EBF4: variants seen among roughly 807,000 people sequenced by gnomAD.
EBF4 encodes the protein transcription factor COE4.
In EBF4, 34 loss-of-function variants were observed where a neutral mutation model predicts 67.1. That is an observed-to-expected ratio of 0.51 (90% CI 0.39 to 0.67). The LOEUF (loss-of-function observed/expected upper bound fraction) is 0.67. EBF4 is among the 30% of genes least tolerant of loss of function. The pLI, the probability that EBF4 is intolerant of heterozygous loss-of-function variation, is 0.00. For synonymous variants in EBF4, 387 were observed against 377.7 expected, an observed-to-expected ratio of 1.02 and a Z score of -0.29; for missense variants, 837 against 873.3, an observed-to-expected ratio of 0.96 and a Z score of 0.52.
intron 6 of EBF4, among the ~76,000 whole-genome samples, chr20:2,724,910 GAAAAAGAAA>G (rs2087728588): frequency 6.6e-6 from 1 of 152,034 alleles, no homozygotes; most frequent in African/African-American, 2.4e-5. Flanking sequence ...TCTCAAAAAA[GAAAAAGAAA>G]AGTTCAGCAT....
intron 5 of EBF4, among the ~76,000 whole-genome samples, chr20:2,709,073 C>T (rs2087501260): frequency 1.3e-5 from 2 of 152,118 alleles, no homozygotes; most frequent in African/African-American, 2.4e-5. Flanking sequence ...GTAATCCCAG[C>T]TATGTTAGGA....
At chr20:2,715,143 G>A (rs916315348) in intron 6 of EBF4, among the ~76,000 whole-genome samples, 2 of 151,904 alleles carry the variant, frequency 1.3e-5, no homozygotes, top group African/African-American at 2.4e-5. Context: ...CTCTCCTACA[G>A]GTAAACCAAG....
At chr20:2,721,246 C>CTTTTTT (rs146844927) in intron 6 of EBF4, among the ~76,000 whole-genome samples, 14 of 108,018 alleles carry the variant, frequency 1.3e-4, no homozygotes, top group African/African-American at 2.4e-4. Context: ...TGATTCTCTT[C>CTTTTTT]TTTTTTTTTT....
chr20:2,714,500 C>T (rs775503508), intron 6 of EBF4, among the ~76,000 whole-genome samples: 4 of 152,092 alleles, frequency 2.6e-5, no homozygotes, highest in African/African-American at 4.8e-5. Context: ...CACAGGCTCA[C>T]GCCAACAAGC....
chr20:2,736,880 C>T (rs6051348), intron 6 of EBF4, among the ~76,000 whole-genome samples: 21,094 of 152,092 alleles, frequency 0.14, 2,956 homozygotes, highest in African/African-American at 0.34. Flanking sequence ...TCTGGGCAGC[C>T]GAAGCCAAGC....
intron 1 of EBF4, among the ~76,000 whole-genome samples, chr20:2,697,114 C>T (rs1189222173): frequency 6.6e-6 from 1 of 152,200 alleles, no homozygotes; most frequent in Non-Finnish European, 1.5e-5. Context: ...AGCAGCTTCT[C>T]CTGCCCAGTT....
chr20:2,719,259 ATTTTTGTAT>A, intron 6 of EBF4, among the ~76,000 whole-genome samples: 1 of 151,146 alleles, frequency 6.6e-6, no homozygotes, highest in Admixed American at 6.6e-5. Context: ...TACCCAGCTA[ATTTTTGTAT>A]TTTTTGTATT....
rs1000581708 is a variant in EBF4 at position 2,693,821 on chromosome 20, C to T, written c.137+39C>T. ...CCGGACCCGGTGCGCTCGGGTTGGA[C>T]GGCTGCGCGCCGCCTCAGCTCAGCT... On this transcript the variant is annotated intron_variant, in intron 1 of 16. Coordinates refer to ENST00000609451, the Ensembl canonical transcript of EBF4. This position sits in a 1 kb window ranked among gnomAD's most constrained non-coding sequence, Gnocchi z 4.6. 2.8e-5 allele frequency: 35 copies of T among 1,261,346 alleles called. No individual in the cohort carries two copies. The Admixed American group carries it at 3.8e-4, about 14-fold the overall frequency. The allele number at this position is 1,261,346 out of a possible 1,614,324, so 78.1% of individuals were successfully genotyped here.
At chr20:2,728,528 G>A (rs191054283) in intron 6 of EBF4, among the ~76,000 whole-genome samples, 47 of 152,238 alleles carry the variant, frequency 3.1e-4, no homozygotes, top group African/African-American at 4.8e-4. Context: ...GTTCGGGGGC[G>A]GGGGGTTGAA....
rs959358254 is a variant in EBF4 at position 2,755,733 on chromosome 20, C to T, written c.1647C>T (p.Ala549=). Residue 549 remains alanine (A), a synonymous_variant, in exon 15 of 17, where the codon GCC becomes GCT. Transcript: ENST00000609451. This position sits in a 1 kb window ranked among gnomAD's most constrained non-coding sequence, Gnocchi z 4.7. ...TCTCGCCTGTCAACATGATCTCCGC[C>T]GTCAAACAGAGGAGCGCCTTCGCCC... 13 of 1,550,960 alleles carry T rather than the reference C, an allele frequency of 8.4e-6. No homozygotes were observed. Among genetic ancestry groups the T allele is most frequent in the Admixed American group, 2.0e-5 (1 of 50,966 alleles).
At chr20:2,728,683 T>G (rs1393713600) in intron 6 of EBF4, among the ~76,000 whole-genome samples, 1 of 152,172 alleles carries the variant, frequency 6.6e-6, no homozygotes. Context: ...TGTGATCCCC[T>G]CAGCTTCTAG....
chr20:2,715,859 G>C (rs2087601581), intron 6 of EBF4, among the ~76,000 whole-genome samples: 1 of 152,020 alleles, frequency 6.6e-6, no homozygotes, highest in Non-Finnish European at 1.5e-5. Context: ...AGTGATTCCT[G>C]TGCCTCAGCC....
intron 6 of EBF4, among the ~76,000 whole-genome samples, chr20:2,716,570 G>A (rs908758064): frequency 6.6e-6 from 1 of 151,874 alleles, no homozygotes; most frequent in Non-Finnish European, 1.5e-5. Flanking sequence ...CTGAGGTCAT[G>A]AAGATATTCT....
chr20:2,752,293 C>G (rs921371956), intron 13 of EBF4, 30 bp downstream of exon 13: 1 of 1,209,316 alleles, frequency 8.3e-7, no homozygotes, highest in African/African-American at 1.6e-5. Context: ...CCGCCGTCCT[C>G]GGGCGCCGCC....
At chr20:2,737,780 G>T (rs984947522) in intron 6 of EBF4, among the ~76,000 whole-genome samples, 2 of 150,304 alleles carry the variant, frequency 1.3e-5, no homozygotes, top group Non-Finnish European at 3.0e-5. Flanking sequence ...AGACCAGCCT[G>T]GCCAACATGG....
chr20:2,752,925 G>A (rs970078707), intron 14 of EBF4, among the ~76,000 whole-genome samples: 1 of 152,240 alleles, frequency 6.6e-6, no homozygotes, highest in African/African-American at 2.4e-5. Flanking sequence ...GGAGGAGGCT[G>A]GCGCCGCCTG....
chr20:2,733,958 T>C (rs904235489), intron 6 of EBF4, among the ~76,000 whole-genome samples: 3 of 152,184 alleles, frequency 2.0e-5, no homozygotes, highest in Non-Finnish European at 2.9e-5. Context: ...TTTTACTTAT[T>C]GTTCTTTTCT....
At chr20:2,711,176 A>G (rs2087539605) in intron 6 of EBF4, among the ~76,000 whole-genome samples, 1 of 150,406 alleles carries the variant, frequency 6.6e-6, no homozygotes, top group Non-Finnish European at 1.5e-5. Flanking sequence ...TAATAATAAT[A>G]ATAAAATTAA....
chr20:2,757,701 C>T (rs960585024), intron 15 of EBF4, among the ~76,000 whole-genome samples: 1 of 152,178 alleles, frequency 6.6e-6, no homozygotes, highest in Non-Finnish European at 1.5e-5. Context: ...AATCCTAGCA[C>T]TTTGGCAGGC....
Sources: gnomAD v4.1 joint callset for allele counts (sites outside exome capture counted in the v4.1 genomes callset) on GRCh38, gnomAD v4.1.1 for gene constraint, Gnocchi (gnomAD v3.1) non-coding constraint, MANE v1.5 for transcripts, NCBI Gene and HGNC (gene_info 2026-07-23, HGNC 2026-07-21) for gene names.